The following DYM variants were observed in gnomAD, a reference collection of about 807,000 sequenced individuals.
The protein encoded by DYM is dyggve-Melchior-Clausen syndrome protein.
Under a neutral mutation model 93.1 loss-of-function variants are expected in DYM, and 78 were observed. The observed-to-expected ratio is 0.84, with a 90% CI of 0.70 to 1.01. The LOEUF (loss-of-function observed/expected upper bound fraction) is 1.01. DYM is among the 50% of genes least tolerant of loss of function. The pLI, the probability that DYM is intolerant of heterozygous loss-of-function variation, is 0.00. For synonymous variants in DYM, 321 were observed against 319.7 expected, an observed-to-expected ratio of 1.00 and a Z score of -0.04; for missense variants, 789 against 845.0, an observed-to-expected ratio of 0.93 and a Z score of 0.82.
chr18:49,272,461 T>C (rs2094730280), intron 10 of DYM, among the ~76,000 whole-genome samples, 158 bp from the exon 11 acceptor site: 1 of 152,332 alleles, frequency 6.6e-6, no homozygotes, highest in African/African-American at 2.4e-5. Flanking sequence ...TGAATGTATT[T>C]TCCAAATGTA....
At chr18:49,253,015 G>A (rs1326103305) in intron 13 of DYM, among the ~76,000 whole-genome samples, 1 of 152,178 alleles carries the variant, frequency 6.6e-6, no homozygotes, top group African/African-American at 2.4e-5. Flanking sequence ...TGGTCATTAA[G>A]TATGAGCAAC....
chr18:49,361,999 C>G (rs112580660), intron 6 of DYM, among the ~76,000 whole-genome samples: 2,122 of 151,294 alleles, frequency 0.014, 50 homozygotes, highest in African/African-American at 0.048. Context: ...GCTGAGATTA[C>G]AGGCATAAGC....
At chr18:49,409,492 T>A (rs1432262717) in intron 2 of DYM, among the ~76,000 whole-genome samples, 1 of 152,032 alleles carries the variant, frequency 6.6e-6, no homozygotes, top group Non-Finnish European at 1.5e-5. Context: ...CCACCACAAC[T>A]CAGGGGAGAC....
chr18:49,406,166 G>A (rs2071473174), intron 2 of DYM, among the ~76,000 whole-genome samples: 2 of 152,172 alleles, frequency 1.3e-5, no homozygotes, highest in Non-Finnish European at 2.9e-5. Flanking sequence ...AAAAGAGATG[G>A]TTTGACTTCT....
Position 49,186,181 on chromosome 18 carries a change from T to A in DYM, c.1626-22394A>T, listed in dbSNP as rs1434541799. ...ATCATAAATTATATAATCACTCACT[T>A]AATAATCACTTTATTTTTTGCTCTG... On this transcript the variant is annotated intron_variant, in intron 14 of 17. Coordinates refer to ENST00000675505, the MANE Select transcript of DYM (RefSeq NM_001353214.3). Among the ~76,000 whole-genome samples the A allele has an allele frequency of 3.9e-5, 6 of 152,178 alleles. No individual in the cohort carries two copies. In the East Asian group the frequency reaches 1.2e-3, roughly 29 times the overall value.
chr18:49,319,602 A>G (rs2146557786), intron 8 of DYM, among the ~76,000 whole-genome samples: 1 of 152,346 alleles, frequency 6.6e-6, no homozygotes, highest in African/African-American at 2.4e-5. Flanking sequence ...GACACTTATC[A>G]CACGTTATTT....
chr18:49,142,829 CT>C (rs747575837), intron 15 of DYM, among the ~76,000 whole-genome samples: 5 of 152,170 alleles, frequency 3.3e-5, no homozygotes, highest in African/African-American at 4.8e-5. Context: ...TATCATCCCC[CT>C]AATAGGAAAG....
intron 17 of DYM, among the ~76,000 whole-genome samples, chr18:49,087,592 C>A (rs550933574): frequency 6.6e-6 from 1 of 152,160 alleles, no homozygotes; most frequent in African/African-American, 2.4e-5. Flanking sequence ...ACAAGAAAGG[C>A]CTTTATAGCA....
At chr18:49,300,614 G>A (rs2060870783) in intron 8 of DYM, among the ~76,000 whole-genome samples, 2 of 151,932 alleles carry the variant, frequency 1.3e-5, no homozygotes, top group South Asian at 4.1e-4. Context: ...AAAAAAAAAG[G>A]TTTCTACATA....
chr18:49,353,281 C>T (rs144653191), intron 6 of DYM, among the ~76,000 whole-genome samples: 303 of 152,134 alleles, frequency 2.0e-3, no homozygotes, highest in African/African-American at 6.7e-3. Context: ...CTTTAAGAGA[C>T]GGAGAGTTCT....
intron 5 of DYM, among the ~76,000 whole-genome samples, chr18:49,375,076 C>G (rs189743184): frequency 1.4e-4 from 22 of 151,842 alleles, no homozygotes; most frequent in African/African-American, 5.1e-4. Context: ...TACAGTGAAA[C>G]TGGAGAGTTG....
intron 17 of DYM, among the ~76,000 whole-genome samples, chr18:49,071,433 A>C (rs1490777768): frequency 6.6e-6 from 1 of 152,256 alleles, no homozygotes; most frequent in Admixed American, 6.5e-5. Flanking sequence ...CCACGGACAC[A>C]ATGCTCTAAA....
chr18:49,155,431 T>C (rs188068532), intron 15 of DYM, among the ~76,000 whole-genome samples: 31 of 152,328 alleles, frequency 2.0e-4, no homozygotes, highest in Non-Finnish European at 4.1e-4. Context: ...TAAAGTATGA[T>C]TGAATGGTTT....
At chr18:49,275,716 C>G (rs929773550) in intron 10 of DYM, among the ~76,000 whole-genome samples, 18 of 152,034 alleles carry the variant, frequency 1.2e-4, no homozygotes, top group African/African-American at 3.9e-4. Context: ...ATCTCTATCT[C>G]TATTTTTTTT....
intron 13 of DYM, among the ~76,000 whole-genome samples, chr18:49,221,432 T>C (rs1429456712): frequency 9.2e-5 from 14 of 152,130 alleles, no homozygotes; most frequent in Non-Finnish European, 8.8e-5. Context: ...TTATAAATCA[T>C]GCTGCTATAA....
intron 2 of DYM, among the ~76,000 whole-genome samples, chr18:49,430,048 C>A (rs1461959955): frequency 6.6e-6 from 1 of 152,132 alleles, no homozygotes; most frequent in South Asian, 2.1e-4. Flanking sequence ...CCAGTGATAA[C>A]CTCTAGAGAA....
intron 15 of DYM, among the ~76,000 whole-genome samples, chr18:49,133,127 G>A (rs1394103091): frequency 6.6e-6 from 1 of 152,078 alleles, no homozygotes; most frequent in African/African-American, 2.4e-5. Context: ...AAAGGAGATG[G>A]CATTCTCAAC....
intron 15 of DYM, among the ~76,000 whole-genome samples, chr18:49,131,367 C>T (rs1732385588): frequency 6.6e-6 from 1 of 152,046 alleles, no homozygotes; most frequent in African/African-American, 2.4e-5. Context: ...CTTGCTCCAC[C>T]ACGCCTGACT....
intron 13 of DYM, among the ~76,000 whole-genome samples, chr18:49,213,088 A>G (rs1339442052): frequency 6.6e-6 from 1 of 152,202 alleles, no homozygotes; most frequent in Non-Finnish European, 1.5e-5. Context: ...TATAGTTCTG[A>G]AATGTTATTT....
Sources: allele counts gnomAD v4.1 joint callset (sites outside exome capture counted in the v4.1 genomes callset), GRCh38; gene constraint gnomAD v4.1.1; transcripts MANE v1.5; gene names NCBI Gene and HGNC (gene_info 2026-07-23, HGNC 2026-07-21).